Variants in GLIS1 observed in about 807,000 individuals in gnomAD.
GLIS1 encodes zinc finger protein GLIS1.
In GLIS1, 24 loss-of-function variants were observed where a neutral mutation model predicts 63.8. The observed-to-expected ratio is 0.38, with a 90% CI of 0.27 to 0.53. The LOEUF (loss-of-function observed/expected upper bound fraction) is 0.53. Ranked by LOEUF, GLIS1 falls within the 20% of genes least tolerant of loss-of-function variation. The pLI is 0.85. For synonymous variants in GLIS1, 450 were observed against 482.5 expected, an observed-to-expected ratio of 0.93 and a Z score of 0.88; for missense variants, 1,036 against 1,074.1, an observed-to-expected ratio of 0.96 and a Z score of 0.50.
chr1:53,550,546 T>C (rs966824093), intron 4 of GLIS1, among the ~76,000 whole-genome samples: 1 of 152,128 alleles, frequency 6.6e-6, no homozygotes, highest in African/African-American at 2.4e-5. Flanking sequence ...AAGAAGATGA[T>C]AAAATATTGG....
chr1:53,684,657 C>G (rs1646311327), intron 2 of GLIS1, among the ~76,000 whole-genome samples: 1 of 152,052 alleles, frequency 6.6e-6, no homozygotes, highest in Admixed American at 6.5e-5. Flanking sequence ...AGGGTCACAT[C>G]CAGGCTCTTC....
At chr1:53,627,129 C>G (rs893082357) in intron 2 of GLIS1, among the ~76,000 whole-genome samples, 13 of 152,160 alleles carry the variant, frequency 8.5e-5, no homozygotes, top group African/African-American at 3.1e-4. Context: ...GCATGAATCT[C>G]GAACAAGGCA....
At chr1:53,689,029 C>G (rs1285123908) in intron 2 of GLIS1, among the ~76,000 whole-genome samples, 1 of 152,188 alleles carries the variant, frequency 6.6e-6, no homozygotes, top group Non-Finnish European at 1.5e-5. Flanking sequence ...TCCTCAAGCC[C>G]CCTGCTTTCA....
At chr1:53,648,743 C>T (rs1230037388) in intron 2 of GLIS1, among the ~76,000 whole-genome samples, 1 of 152,128 alleles carries the variant, frequency 6.6e-6, no homozygotes, top group African/African-American at 2.4e-5. Context: ...AGAGTATGTA[C>T]TGTAAGATCC....
chr1:53,548,386 G>A (rs562005450), intron 4 of GLIS1, among the ~76,000 whole-genome samples: 1 of 152,328 alleles, frequency 6.6e-6, no homozygotes, highest in Admixed American at 6.5e-5. Context: ...CATGGACAGG[G>A]GCTCTCGGGG....
At chr1:53,726,897 A>C (rs572647380) in intron 2 of GLIS1, among the ~76,000 whole-genome samples, 27 of 152,370 alleles carry the variant, frequency 1.8e-4, no homozygotes, top group Non-Finnish European at 3.5e-4. Flanking sequence ...CATCAGACAG[A>C]GTCAGGCCTG....
At chr1:53,649,451 G>A (rs1645882820) in intron 2 of GLIS1, among the ~76,000 whole-genome samples, 1 of 152,084 alleles carries the variant, frequency 6.6e-6, no homozygotes, top group South Asian at 2.1e-4. Context: ...CCAGTATATT[G>A]CGCACCACAG....
intron 2 of GLIS1, among the ~76,000 whole-genome samples, chr1:53,677,787 C>T (rs1646229768): frequency 6.6e-6 from 1 of 152,232 alleles, no homozygotes; most frequent in Non-Finnish European, 1.5e-5. Context: ...GTCATCACCT[C>T]AAGAACTGCC....
intron 4 of GLIS1, among the ~76,000 whole-genome samples, chr1:53,572,750 T>C (rs1298173089): frequency 6.6e-6 from 1 of 152,180 alleles, no homozygotes; most frequent in Non-Finnish European, 1.5e-5. Context: ...ACATATGAGC[T>C]CTGGGGACAG....
rs541138739 is a variant in GLIS1 at position 53,586,095 on chromosome 1, C to T, written c.1320+8013G>A. Among the ~76,000 whole-genome samples the T allele has an allele frequency of 8.5e-5, 13 of 152,196 alleles. No homozygotes were observed. The Middle Eastern group carries it at 0.014, about 159-fold the overall frequency. On this transcript the variant is annotated intron_variant, in intron 4 of 10. Transcript: ENST00000628545. ...CCTCTGCACAGTGGCTGGTGGGGGA[C>T]GAGGCTCTGACCTAATTGCAAGGCC...
At chr1:53,736,992 G>T (rs1478903999) in intron 2 of GLIS1, among the ~76,000 whole-genome samples, 2 of 152,160 alleles carry the variant, frequency 1.3e-5, no homozygotes, top group Non-Finnish European at 2.9e-5. Flanking sequence ...AAAAAAAAAG[G>T]GGGGAGGACG....
At chr1:53,673,087 C>G (rs527559923) in intron 2 of GLIS1, among the ~76,000 whole-genome samples, 1 of 152,196 alleles carries the variant, frequency 6.6e-6, no homozygotes, top group Non-Finnish European at 1.5e-5. Context: ...GCCTAAGTGG[C>G]GCCAGTGGAG....
chr1:53,553,505 T>C lies in GLIS1; in HGVS notation c.1321-23553A>G, dbSNP rs373809727. On this transcript the variant is annotated intron_variant, in intron 4 of 10. Coordinates refer to ENST00000628545, the MANE Select transcript of GLIS1 (RefSeq NM_001367484.1). ...GACACAGTGGTGAGCAAGACACATG[T>C]GGTCTTGGTGCTTGCACAGCTCACC... is the stretch of plus-strand genomic sequence containing the variant. Among the ~76,000 whole-genome samples, 4 of 152,336 alleles carry C rather than the reference T, an allele frequency of 2.6e-5. 1 individual carries two copies.
At chr1:53,625,416 G>A in intron 2 of GLIS1, among the ~76,000 whole-genome samples, 1 of 152,194 alleles carries the variant, frequency 6.6e-6, no homozygotes, top group Non-Finnish European at 1.5e-5. Flanking sequence ...TGACACATCA[G>A]TAACCTTGGA....
intron 2 of GLIS1, among the ~76,000 whole-genome samples, chr1:53,704,518 TG>T (rs987753498): frequency 3.4e-4 from 52 of 151,140 alleles, no homozygotes; most frequent in African/African-American, 1.2e-3. Context: ...ACCCTGGGCC[TG>T]GGTGAGCAGA....
intron 2 of GLIS1, among the ~76,000 whole-genome samples, chr1:53,729,712 G>C (rs928259185): frequency 6.6e-6 from 1 of 152,012 alleles, no homozygotes; most frequent in Non-Finnish European, 1.5e-5. Flanking sequence ...AACCTTCTTC[G>C]AGATACTTGA....
chr1:53,592,940 G>A (rs1645207065), intron 4 of GLIS1, among the ~76,000 whole-genome samples: 2 of 152,254 alleles, frequency 1.3e-5, no homozygotes, highest in African/African-American at 4.8e-5. Flanking sequence ...TGCCCCAGGA[G>A]GACGGAGTTT....
chr1:53,532,146 TCTC>T (rs367791479), intron 4 of GLIS1, among the ~76,000 whole-genome samples: 4 of 152,002 alleles, frequency 2.6e-5, no homozygotes, highest in South Asian at 2.1e-4. Flanking sequence ...TGGAGACACT[TCTC>T]CTAAAGAAGG....
At chr1:53,591,295 C>A (rs1205312629) in intron 4 of GLIS1, among the ~76,000 whole-genome samples, 1 of 152,182 alleles carries the variant, frequency 6.6e-6, no homozygotes, top group African/African-American at 2.4e-5. Flanking sequence ...GGAGCACGCC[C>A]ACCCCACCGC....
Sources: gnomAD v4.1 joint callset for allele counts (sites outside exome capture counted in the v4.1 genomes callset) on GRCh38, gnomAD v4.1.1 for gene constraint, MANE v1.5 for transcripts, NCBI Gene and HGNC (gene_info 2026-07-23, HGNC 2026-07-21) for gene names.